The following CALN1 variants were observed in gnomAD, a reference collection of about 807,000 sequenced individuals.
CALN1 encodes the protein calneuron 1.
CALN1 carries 17 observed loss-of-function variants against 30.6 expected under a neutral mutation model. The observed-to-expected ratio is 0.56, with a 90% CI of 0.38 to 0.83. The LOEUF (loss-of-function observed/expected upper bound fraction) is 0.83, where lower values mean the gene tolerates loss of function less well. Ranked by LOEUF, CALN1 falls within the 40% of genes least tolerant of loss-of-function variation. The pLI, the probability that CALN1 is intolerant of heterozygous loss-of-function variation, is 0.00. For synonymous variants in CALN1, 156 were observed against 131.4 expected, an observed-to-expected ratio of 1.19 and a Z score of -1.28; for missense variants, 291 against 354.9, an observed-to-expected ratio of 0.82 and a Z score of 1.45.
At chr7:71,879,899 C>G (rs1356480791) in intron 5 of CALN1, among the ~76,000 whole-genome samples, 1 of 152,140 alleles carries the variant, frequency 6.6e-6, no homozygotes, top group Admixed American at 6.5e-5. Flanking sequence ...ATAAGCCACT[C>G]TGGAACACAA....
At chr7:72,031,417 C>T (rs563281493) in intron 4 of CALN1, among the ~76,000 whole-genome samples, 2 of 150,444 alleles carry the variant, frequency 1.3e-5, no homozygotes, top group African/African-American at 2.5e-5. Flanking sequence ...CATGTATTCC[C>T]TTGTTGAATT....
chr7:72,170,274 T>C (rs1262441786), intron 3 of CALN1, among the ~76,000 whole-genome samples: 1 of 152,232 alleles, frequency 6.6e-6, no homozygotes, highest in Non-Finnish European at 1.5e-5. Flanking sequence ...CCATCGTGCC[T>C]GGCTACCTCT....
chr7:72,182,491 G>A (rs573881008), intron 3 of CALN1, among the ~76,000 whole-genome samples: 4 of 152,286 alleles, frequency 2.6e-5, no homozygotes, highest in Middle Eastern at 3.4e-3. Context: ...AGGCCGAGAA[G>A]AGCAGATTAC....
rs575819249 is a variant in CALN1 at position 71,837,336 on chromosome 7, G to T, written c.502-26844C>A. Among the ~76,000 whole-genome samples the T allele has an allele frequency of 1.3e-4, 19 of 149,392 alleles. No homozygotes were observed. In the East Asian group the frequency reaches 3.2e-3, roughly 25 times the overall value. On this transcript the variant is annotated intron_variant, in intron 5 of 6. Coordinates refer to ENST00000395275, the MANE Select transcript of CALN1 (RefSeq NM_031468.4). ...GGTAACATAATTTAATAGATGTCTA[G>T]CCTTAGACATACCTTGATGGCTGAT...
chr7:72,432,976 C>A lies in CALN1; in HGVS notation c.-226+14066G>T, dbSNP rs868279619. On this transcript the variant is annotated intron_variant, in intron 1 of 6. Transcript: ENST00000395276. ...AAGGAGAGGCGGGAAAAGAACAAGGCCATGGCTCTGTTTGAACCCAACATT... is the reference window on the plus strand; with the variant it reads ...AAGGAGAGGCGGGAAAAGAACAAGGACATGGCTCTGTTTGAACCCAACATT... 1.2e-4 allele frequency among the ~76,000 whole-genome samples: 18 copies of A among 152,284 alleles called. No homozygotes were observed. In the South Asian group the frequency reaches 1.9e-3, roughly 16 times the overall value.
intron 5 of CALN1, among the ~76,000 whole-genome samples, chr7:71,910,525 C>T (rs1794373366): frequency 6.6e-6 from 1 of 152,144 alleles, no homozygotes; most frequent in Admixed American, 6.5e-5. Flanking sequence ...CCAAGTTGGG[C>T]CAACTGCACC....
At chr7:72,390,547 T>C (rs1419994163) in intron 2 of CALN1, among the ~76,000 whole-genome samples, 1 of 152,162 alleles carries the variant, frequency 6.6e-6, no homozygotes, top group African/African-American at 2.4e-5. Flanking sequence ...TCCACAAATT[T>C]GGATGGGAAA....
At chr7:72,408,942 T>C (rs1806902975) in intron 1 of CALN1, among the ~76,000 whole-genome samples, 1 of 152,004 alleles carries the variant, frequency 6.6e-6, no homozygotes, top group Non-Finnish European at 1.5e-5. Context: ...CCTCCCAAAG[T>C]GCTGGGATTG....
chr7:72,285,534 C>T (rs1403539191), intron 2 of CALN1, among the ~76,000 whole-genome samples: 1 of 152,124 alleles, frequency 6.6e-6, no homozygotes, highest in East Asian at 1.9e-4. Context: ...TGAACCACAG[C>T]GCCCAGCTCT....
intron 5 of CALN1, chr7:71,913,730 C>G (rs1359501926): frequency 6.6e-6 from 1 of 152,226 alleles, no homozygotes; most frequent in African/African-American, 2.4e-5. Context: ...ACCATCACAC[C>G]TAGCTAAGAG....
intron 5 of CALN1, among the ~76,000 whole-genome samples, chr7:71,941,520 CAGAA>C (rs1018918149): frequency 1.3e-5 from 2 of 151,988 alleles, no homozygotes; most frequent in Non-Finnish European, 2.9e-5. Flanking sequence ...AAGAAATTCA[CAGAA>C]AGGTAAACCC....
chr7:72,317,865 A>G (rs1038914788), intron 2 of CALN1, among the ~76,000 whole-genome samples: 4 of 152,218 alleles, frequency 2.6e-5, no homozygotes, highest in Non-Finnish European at 5.9e-5. Context: ...TCCTCGCAAC[A>G]GATGAAAAAG....
At chr7:72,116,239 A>C (rs1217293942) in intron 3 of CALN1, among the ~76,000 whole-genome samples, 1 of 152,146 alleles carries the variant, frequency 6.6e-6, no homozygotes, top group African/African-American at 2.4e-5. Context: ...CCCAGTCCTG[A>C]AGGCACTTCC....
intron 4 of CALN1, among the ~76,000 whole-genome samples, chr7:72,086,274 T>C (rs186429699): frequency 1.3e-5 from 2 of 152,272 alleles, no homozygotes; most frequent in East Asian, 1.9e-4. Context: ...TTCACAGAAA[T>C]ATGTGTTCAA....
chr7:72,180,747 T>C (rs1789719474), intron 3 of CALN1, among the ~76,000 whole-genome samples: 1 of 151,352 alleles, frequency 6.6e-6, no homozygotes, highest in Non-Finnish European at 1.5e-5. Flanking sequence ...AGCTGAAGGC[T>C]ACCACCTACC....
At chr7:72,149,920 C>T (rs991731098) in intron 3 of CALN1, among the ~76,000 whole-genome samples, 1 of 151,778 alleles carries the variant, frequency 6.6e-6, no homozygotes, top group African/African-American at 2.4e-5. Flanking sequence ...TCGAGACCAG[C>T]CTGGCCAACA....
intron 3 of CALN1, among the ~76,000 whole-genome samples, chr7:72,268,493 G>GA (rs921730687): frequency 1.3e-5 from 2 of 152,222 alleles, no homozygotes; most frequent in Middle Eastern, 3.4e-3. Flanking sequence ...CTAATTCAGG[G>GA]AAACAAAATA....
Position 72,353,879 on chromosome 7 carries a change from T to A in CALN1, c.119+49372A>T, listed in dbSNP as rs201711839. Among the ~76,000 whole-genome samples, 37 of 151,976 alleles carry A rather than the reference T, an allele frequency of 2.4e-4. No homozygotes were observed. The East Asian group carries it at 7.2e-3, about 29-fold the overall frequency. The stretch of plus-strand genomic sequence containing the variant: ...ATGCCAACAATAAACAACTGAAAAA[T>A]GAAATTTTAAAAATAGCTCCATTCA... On this transcript the variant is annotated intron_variant, in intron 2 of 6. Coordinates refer to ENST00000395275, the MANE Select transcript of CALN1 (RefSeq NM_031468.4).
chr7:71,785,820 G>A lies in CALN1; in HGVS notation c.*1955C>T, dbSNP rs1221753293. On this transcript the variant is annotated 3_prime_UTR_variant, in exon 7 of 7. Coordinates refer to ENST00000395275, the MANE Select transcript of CALN1 (RefSeq NM_031468.4). ...GTCAGCCAACAGGAGCAGCAGAAGGGGCAGGCATGCAGTGTGCAGGCAGCA... is the reference window on the plus strand; with the variant it reads ...GTCAGCCAACAGGAGCAGCAGAAGGAGCAGGCATGCAGTGTGCAGGCAGCA... 6.5e-6 allele frequency: 1 copy of A among 153,336 alleles called. No homozygotes were observed. The highest frequency in any genetic ancestry group is 1.9e-4 in the East Asian group (1 of 5,216). The allele number at this position is 153,336 out of a possible 1,614,324, so 9.5% of individuals were successfully genotyped here.
Sources: allele counts gnomAD v4.1 joint callset (sites outside exome capture counted in the v4.1 genomes callset), GRCh38; gene constraint gnomAD v4.1.1; transcripts MANE v1.5; gene names NCBI Gene and HGNC (gene_info 2026-07-23, HGNC 2026-07-21).